Variants in ABCD2 observed in about 807,000 individuals in gnomAD.
The protein encoded by ABCD2 is ATP-binding cassette sub-family D member 2.
In ABCD2, 36 loss-of-function variants were observed where a neutral mutation model predicts 70.9. The observed-to-expected ratio is 0.51, with a 90% CI of 0.39 to 0.67. ABCD2 has a LOEUF of 0.67. Among genes scored for constraint, ABCD2 ranks in the 30% least tolerant of loss-of-function variants. The pLI is 0.00. For synonymous variants in ABCD2, 304 were observed against 306.9 expected (o/e 0.99, Z 0.10); for missense variants, 729 against 890.2 (o/e 0.82, Z 2.30).
At chr12:39,609,183 G>A (rs1029944262) in intron 2 of ABCD2, among the ~76,000 whole-genome samples, 1 of 152,122 alleles carries the variant, frequency 6.6e-6, no homozygotes, top group Non-Finnish European at 1.5e-5. Context: ...GTGGATGGAC[G>A]GATGGATGGA....
chr12:39,577,992 T>A (rs937257081), intron 8 of ABCD2, among the ~76,000 whole-genome samples: 1 of 152,202 alleles, frequency 6.6e-6, no homozygotes, highest in Non-Finnish European at 1.5e-5. Flanking sequence ...GTGAGCCAAC[T>A]GAGTGCTTAG....
At chr12:39,571,331 A>G (rs769123124) in intron 9 of ABCD2, among the ~76,000 whole-genome samples, 2 of 152,158 alleles carry the variant, frequency 1.3e-5, no homozygotes, top group African/African-American at 2.4e-5. Context: ...GTGTCCATCA[A>G]TGGATGAAAA....
chr12:39,563,252 T>C (rs986770976), intron 9 of ABCD2, among the ~76,000 whole-genome samples: 1 of 152,084 alleles, frequency 6.6e-6, no homozygotes, highest in African/African-American at 2.4e-5. Context: ...CAACCAGGCA[T>C]GGTGGCTCAT....
Position 39,567,631 on chromosome 12 carries a change from T to C in ABCD2, c.2003+6085A>G, listed in dbSNP as rs532233321. Among the ~76,000 whole-genome samples, 310 of 99,228 alleles carry C rather than the reference T, an allele frequency of 3.1e-3. 3 individuals are homozygous for C. Among genetic ancestry groups the C allele is most frequent in the African/African-American group, 0.016 (279 of 17,470 alleles). The allele number at this position is 99,228 out of a possible 152,430, so 65.1% of individuals were successfully genotyped here. A position where few individuals can be genotyped will look rare whatever the true frequency, so the allele number is the denominator to read the frequency against. ...AATTGGAGCATTTAGCCCATTTACA[T>C]TTAAGGTTAATATTGTGTGAATTTG... On this transcript the variant is annotated intron_variant, in intron 9 of 9. Transcript: ENST00000308666.
chr12:39,546,055 A>C (rs187478930), downstream of ABCD2, among the ~76,000 whole-genome samples: 2 of 152,196 alleles, frequency 1.3e-5, no homozygotes, highest in African/African-American at 2.4e-5. Flanking sequence ...CAGTGAGTTA[A>C]TTCTTAATTT....
intron 8 of ABCD2, 144 bp downstream of exon 8, chr12:39,579,391 G>T: frequency 1.7e-6 from 1 of 597,294 alleles, no homozygotes; most frequent in Non-Finnish European, 2.9e-6. Flanking sequence ...AACCAACTGT[G>T]AACTCTATGC....
Position 39,619,302 on chromosome 12 carries a change from C to G in ABCD2, c.314G>C (p.Gly105Ala). 1 of 1,614,026 alleles carries G rather than the reference C, an allele frequency of 6.2e-7. No individual in the cohort carries two copies. The highest frequency in any genetic ancestry group is 8.5e-7 in the Non-Finnish European group (1 of 1,180,022). The change falls in exon 1 of 10, where the codon GGG becomes GCG. Residue 105 changes from glycine to alanine, a missense_variant. Physicochemically the swap from Gly to Ala is moderately conservative, Grantham distance 60. Coordinates refer to ENST00000308666, the MANE Select transcript of ABCD2 (RefSeq NM_005164.4). Reference sequence around the variant, plus strand: ...AGCCACTGAGTGCAGGCAGAGCCACCCTGTTTCAGTGGTCACAAGTTTTGG... The same window carrying G: ...AGCCACTGAGTGCAGGCAGAGCCACGCTGTTTCAGTGGTCACAAGTTTTGG... ...LFPKLVTTET[G>A]WLCLHSVALI...
intron 9 of ABCD2, among the ~76,000 whole-genome samples, chr12:39,560,770 G>A (rs549075364): frequency 1.3e-4 from 20 of 152,200 alleles, no homozygotes; most frequent in Admixed American, 3.3e-4. Flanking sequence ...AAAATAACAT[G>A]TTATAAGATG....
At chr12:39,574,155 GA>G (rs1289699155) in intron 8 of ABCD2, among the ~76,000 whole-genome samples, 1 of 152,116 alleles carries the variant, frequency 6.6e-6, no homozygotes, top group Non-Finnish European at 1.5e-5. Flanking sequence ...TTTTCCTGCA[GA>G]AAGCAGGTTC....
chr12:39,539,888 C>CAGCTTATCTTGCCACCA, the ABCD2 span: 2 of 152,710 alleles, frequency 1.3e-5, no homozygotes, highest in African/African-American at 4.8e-5. Context: ...AGCCAGATCC[C>CAGCTTATCTTGCCACCA]AGCTTATCTT....
intron 9 of ABCD2, among the ~76,000 whole-genome samples, chr12:39,561,495 A>C (rs1941258362): frequency 1.3e-5 from 2 of 152,174 alleles, no homozygotes; most frequent in South Asian, 4.1e-4. Flanking sequence ...ATAGACTAAA[A>C]GTGAAGGAAT....
intron 2 of ABCD2, among the ~76,000 whole-genome samples, chr12:39,615,597 C>T (rs9668500): frequency 0.039 from 5,990 of 151,916 alleles, 167 homozygotes; most frequent in Non-Finnish European, 0.062. Flanking sequence ...GTCTATTACA[C>T]AGTTCATTTG....
rs1170858712 is a variant in ABCD2, at chr12:39,618,769, C to A, written c.847G>T (p.Ala283Ser). The stretch of plus-strand genomic sequence containing the variant: ...TAGCCTTTTCTATGTGCTTCCTCTG[C>A]CACCAGTTTGCCAAATTTGGGAGAA... Reference protein sequence around the residue: ...ACSPKFGKLVAEEAHRKGYLR... With the variant: ...ACSPKFGKLVSEEAHRKGYLR... The change falls in exon 1 of 10, where the codon GCA (alanine) becomes TCA (serine). Residue 283 changes from alanine to serine, a missense_variant. Coordinates refer to ENST00000308666, the MANE Select transcript of ABCD2 (RefSeq NM_005164.4). The A allele has an allele frequency of 1.2e-6, 2 of 1,614,096 alleles. No individual in the cohort carries two copies. Among genetic ancestry groups the A allele is most frequent in the Admixed American group, 3.3e-5 (2 of 60,004 alleles).
At chr12:39,558,751 T>C (rs1941207387) in intron 9 of ABCD2, among the ~76,000 whole-genome samples, 1 of 152,080 alleles carries the variant, frequency 6.6e-6, no homozygotes, top group African/African-American at 2.4e-5. Context: ...GCCTCTTTTC[T>C]TTATAAATTA....
chr12:39,586,434 G>A (rs1233186271), intron 6 of ABCD2, 137 bp from the exon 7 acceptor site: 2 of 798,514 alleles, frequency 2.5e-6, no homozygotes, highest in Non-Finnish European at 3.8e-6. Flanking sequence ...ACCTGGCGAT[G>A]AGTACTTCTC....
chr12:39,562,276 A>G (rs1200592909), intron 9 of ABCD2, among the ~76,000 whole-genome samples: 5 of 152,086 alleles, frequency 3.3e-5, no homozygotes, highest in Non-Finnish European at 7.4e-5. Context: ...ATTGTAGGTC[A>G]AGGAACTGGA....
At chr12:39,556,215 AGAT>A (rs1295449229) in intron 9 of ABCD2, among the ~76,000 whole-genome samples, 1 of 152,218 alleles carries the variant, frequency 6.6e-6, no homozygotes, top group African/African-American at 2.4e-5. Context: ...GACTCTAAAA[AGAT>A]GGAGATGTTT....
chr12:39,575,711 A>T (rs1246817100), intron 8 of ABCD2, among the ~76,000 whole-genome samples: 5 of 152,098 alleles, frequency 3.3e-5, no homozygotes, highest in Non-Finnish European at 5.9e-5. Flanking sequence ...CTATTGTTAA[A>T]CTTTCTCTTC....
downstream of ABCD2, among the ~76,000 whole-genome samples, chr12:39,546,520 GATA>G (rs1477199246): frequency 6.6e-6 from 1 of 152,084 alleles, no homozygotes; most frequent in Non-Finnish European, 1.5e-5. Flanking sequence ...GATAAATGGA[GATA>G]ATAATAAGTT....
Sources: gnomAD v4.1 joint callset for allele counts (sites outside exome capture counted in the v4.1 genomes callset) on GRCh38, gnomAD v4.1.1 for gene constraint, MANE v1.5 for transcripts, NCBI Gene and HGNC (gene_info 2026-07-23, HGNC 2026-07-21) for gene names.